DIAPH1: variants seen among roughly 807,000 people sequenced by gnomAD.
DIAPH1 encodes protein diaphanous homolog 1.
A neutral mutation model predicts 140.7 loss-of-function variants in DIAPH1; 46 were observed. That is an observed-to-expected ratio of 0.33 (90% CI 0.26 to 0.42). DIAPH1 has a LOEUF of 0.42. Ranked by LOEUF, DIAPH1 falls within the 10% of genes least tolerant of loss-of-function variation. DIAPH1 has a pLI of 1.00. For missense variants in DIAPH1, 1,310 were observed against 1,558.7 expected (o/e 0.84, Z 2.69); for synonymous variants, 565 against 551.6 (o/e 1.02, Z -0.34).
intron 3 of DIAPH1, among the ~76,000 whole-genome samples, chr5:141,586,458 G>A (rs376419744): frequency 9.9e-5 from 15 of 152,194 alleles, no homozygotes; most frequent in African/African-American, 3.6e-4. Flanking sequence ...AACTTTCCAA[G>A]ACTTACCACT....
chr5:141,528,322 C>A (rs1474694696), intron 23 of DIAPH1, 131 bp downstream of exon 23: 2 of 1,285,684 alleles, frequency 1.6e-6, no homozygotes, highest in African/African-American at 1.5e-5. Context: ...GACTTAGGCA[C>A]CATGCCTAAA....
chr5:141,524,148 C>T lies in DIAPH1; in HGVS notation c.3656G>A (p.Arg1219His), dbSNP rs750059700. 18 of 1,613,942 alleles carry T rather than the reference C, an allele frequency of 1.1e-5. No homozygotes were observed. The highest frequency in any genetic ancestry group is 2.2e-5 in the South Asian group (2 of 91,082). Residue 1219 changes from arginine to histidine, a missense_variant, in exon 27 of 28, where the codon CGT (arginine) becomes CAT (histidine). Around this residue, in one of 3 missense-constraint regions of DIAPH1, gnomAD observed 344 missense variants for 512.2 expected, o/e 0.67. Transcript: ENST00000389054. ...GAAFRRKRGP[R>H]QANRKAGCAV... ...AGCTCCATGTGCTTACTTACCTTGA[C>T]GGGGCCCTCTCTTCCGTCGGAATGC...
In DIAPH1 at chr5:141,579,236, C is replaced by T; in HGVS notation, c.825-40G>A. 3 of 1,477,978 alleles carry T rather than the reference C, an allele frequency of 2.0e-6. No individual in the cohort carries two copies. In the South Asian group the frequency reaches 3.4e-5, roughly 17 times the overall value. The allele number at this position is 1,477,978 out of a possible 1,614,324, so 91.6% of individuals were successfully genotyped here. On this transcript the variant is annotated intron_variant, in intron 8 of 27. Transcript: ENST00000389054. ...GGAAACGGAGAGAACTTTCCAGGTACTGTGACACGGACACGTATAATGAGT... is the reference window on the plus strand; with the variant it reads ...GGAAACGGAGAGAACTTTCCAGGTATTGTGACACGGACACGTATAATGAGT...
intron 1 of DIAPH1, among the ~76,000 whole-genome samples, chr5:141,590,003 C>T (rs1370411777): frequency 6.6e-6 from 1 of 151,954 alleles, no homozygotes; most frequent in South Asian, 2.1e-4. Context: ...TGCCCGCCTC[C>T]GCCTCCTGAG....
chr5:141,539,923 A>T (rs2099889714), intron 18 of DIAPH1, among the ~76,000 whole-genome samples: 1 of 145,498 alleles, frequency 6.9e-6, no homozygotes, highest in African/African-American at 2.6e-5. Flanking sequence ...CTATTTTGTT[A>T]ATTTCCTCCC....
At chr5:141,558,423 A>G (rs930190440) in intron 18 of DIAPH1, 2 of 152,216 alleles carry the variant, frequency 1.3e-5, no homozygotes, top group Non-Finnish European at 2.9e-5. Flanking sequence ...GAAGACCACA[A>G]ACAGGAAATG....
chr5:141,543,331 A>C (rs1399207638), intron 18 of DIAPH1, among the ~76,000 whole-genome samples: 1 of 152,312 alleles, frequency 6.6e-6, no homozygotes, highest in Non-Finnish European at 1.5e-5. Context: ...ATATGATAGT[A>C]AGTAAATTAG....
intron 1 of DIAPH1, among the ~76,000 whole-genome samples, chr5:141,596,147 G>A (rs903167095): frequency 2.0e-5 from 3 of 152,132 alleles, no homozygotes; most frequent in Non-Finnish European, 4.4e-5. Flanking sequence ...GGCTAACACA[G>A]TGAAACTCGT....
At chr5:141,538,056 T>C (rs2099889328) in intron 18 of DIAPH1, among the ~76,000 whole-genome samples, 1 of 131,280 alleles carries the variant, frequency 7.6e-6, no homozygotes, top group African/African-American at 2.6e-5. Flanking sequence ...CATGCCTGGC[T>C]GTTTTTTTGT....
chr5:141,578,266 A>G lies in DIAPH1; in HGVS notation c.1122T>C (p.Tyr374=), dbSNP rs747665458. 6.8e-5 allele frequency: 110 copies of G among 1,614,024 alleles called. No individual in the cohort carries two copies. Among genetic ancestry groups the G allele is most frequent in the Non-Finnish European group, 8.7e-5 (103 of 1,180,000 alleles). Residue 374 remains tyrosine (Y), a synonymous_variant, in exon 11 of 28, where the codon TAT becomes TAC. Coordinates refer to ENST00000389054, the MANE Select transcript of DIAPH1 (RefSeq NM_005219.5). The part of the protein sequence containing the change: ...VFDEQGEEDS[Y]DLKGRLDDIR... The stretch of plus-strand genomic sequence containing the variant: ...TGTCATCCAGCCGTCCCTTCAGGTC[A>G]TAGGAATCCTCTTCCCCTTGTTCAT...
At chr5:141,542,208 C>T (rs759637038) in intron 18 of DIAPH1, among the ~76,000 whole-genome samples, 9 of 152,192 alleles carry the variant, frequency 5.9e-5, no homozygotes, top group East Asian at 1.9e-4. Flanking sequence ...CCTTGGCAGG[C>T]GGATCATGAG....
chr5:141,601,383 G>A (rs2099900117), intron 1 of DIAPH1, among the ~76,000 whole-genome samples: 1 of 151,978 alleles, frequency 6.6e-6, no homozygotes, highest in African/African-American at 2.4e-5. Context: ...CCGCCTTCTA[G>A]GTTCAAGTGA....
chr5:141,604,587 T>C (rs2099900645), intron 1 of DIAPH1, among the ~76,000 whole-genome samples: 1 of 152,238 alleles, frequency 6.6e-6, no homozygotes, highest in African/African-American at 2.4e-5. Flanking sequence ...ACCCAAAGCC[T>C]AGCAGACAGC....
Position 141,573,841 on chromosome 5 carries a change from G to C in DIAPH1, c.2009C>G (p.Pro670Arg). The change falls in exon 16 of 28, where the codon CCT becomes CGT. Residue 670 changes from proline to arginine, a missense_variant. By Grantham distance (103) the Pro-to-Arg change is moderately radical (BLOSUM62 -2). Around this residue, in one of 3 missense-constraint regions of DIAPH1, gnomAD observed 589 missense variants for 549.3 expected, o/e 1.07. Transcript: ENST00000389054. ...AGGTGGGGGGATGGCAGTACCTCCAGGCAAAGAAGAGGGTGAAGGGATGCC... is the reference window on the plus strand; with the variant it reads ...AGGTGGGGGGATGGCAGTACCTCCACGCAAAGAAGAGGGTGAAGGGATGCC... ...GVGIPSPSSL[P>R]GGTAIPPPPP... is the part of the protein sequence containing the mutation. The C allele has an allele frequency of 1.3e-6, 2 of 1,526,310 alleles. No individual in the cohort carries two copies. Among genetic ancestry groups the C allele is most frequent in the Non-Finnish European group, 1.8e-6 (2 of 1,133,622 alleles). 94.5% of individuals were successfully genotyped at this position (1,526,310 alleles called of 1,614,324 possible).
chr5:141,552,193 GT>G (rs199775030), intron 18 of DIAPH1, among the ~76,000 whole-genome samples: 194 of 143,118 alleles, frequency 1.4e-3, no homozygotes, highest in Middle Eastern at 3.6e-3. Context: ...TGTTTTTGTT[GT>G]TTTTTTTTTT....
In DIAPH1 at chr5:141,574,411, AG is replaced by A. The variant is rs570346353; in HGVS notation, c.1642-204del. On this transcript the variant is annotated intron_variant, in intron 15 of 27. Coordinates refer to ENST00000389054, the MANE Select transcript of DIAPH1 (RefSeq NM_005219.5). ...CTAGAATTCAGGTTTTCATGTTCTT[AG>A]TTCAGCATGCTTTGTATTAAGAAGA... 6.6e-5 allele frequency among the ~76,000 whole-genome samples: 10 copies of A among 152,326 alleles called. No homozygotes were observed. In the East Asian group the frequency reaches 1.9e-3, roughly 29 times the overall value.
chr5:141,569,360 T>A (rs1596374766), intron 18 of DIAPH1, among the ~76,000 whole-genome samples: 1 of 152,342 alleles, frequency 6.6e-6, no homozygotes, highest in East Asian at 1.9e-4. Context: ...TTTAATTATA[T>A]CATCAATATC....
At chr5:141,517,722 G>C (rs1270062734) in intron 27 of DIAPH1, among the ~76,000 whole-genome samples, 1 of 152,112 alleles carries the variant, frequency 6.6e-6, no homozygotes, top group Non-Finnish European at 1.5e-5. Context: ...AGCAGAACTG[G>C]GATAAAGATG....
At chr5:141,596,086 T>C (rs1250655530) in intron 1 of DIAPH1, among the ~76,000 whole-genome samples, 2 of 152,220 alleles carry the variant, frequency 1.3e-5, no homozygotes, top group Non-Finnish European at 2.9e-5. Flanking sequence ...TCCCAGCACT[T>C]TGGGAGGCTG....
Sources: gnomAD v4.1 joint callset for allele counts (sites outside exome capture counted in the v4.1 genomes callset) on GRCh38, gnomAD v4.1.1 for gene constraint, gnomAD v4.1.1 regional missense constraint, MANE v1.5 for transcripts, NCBI Gene and HGNC (gene_info 2026-07-23, HGNC 2026-07-21) for gene names.